AGMO: variants seen among roughly 807,000 people sequenced by gnomAD.
AGMO encodes the protein glyceryl-ether monooxygenase.
A neutral mutation model predicts 60.2 loss-of-function variants in AGMO; 75 were observed. The ratio of observed to expected loss-of-function variants is 1.25; its 90% confidence interval spans 1.03 to 1.51. The LOEUF is 1.51. AGMO is among the 40% of genes most tolerant of loss of function. The pLI, the probability that AGMO is intolerant of heterozygous loss-of-function variation, is 0.00. For missense variants in AGMO, 763 were observed against 525.5 expected (o/e 1.45, Z -4.42); for synonymous variants, 261 against 177.1 (o/e 1.47, Z -3.76).
intron 3 of AGMO, among the ~76,000 whole-genome samples, chr7:15,538,193 T>C (rs1377263484): frequency 6.6e-6 from 1 of 151,430 alleles, no homozygotes; most frequent in Non-Finnish European, 1.5e-5. Context: ...CAAGGTGGAG[T>C]TTACCCTAAG....
chr7:15,452,828 C>A (rs1374159132), intron 3 of AGMO, among the ~76,000 whole-genome samples: 1 of 152,038 alleles, frequency 6.6e-6, no homozygotes, highest in East Asian at 1.9e-4. Flanking sequence ...GGAAACAACC[C>A]AAATGTCCAT....
At chr7:15,426,799 T>G (rs986890848) in intron 4 of AGMO, among the ~76,000 whole-genome samples, 1 of 151,482 alleles carries the variant, frequency 6.6e-6, no homozygotes, top group African/African-American at 2.4e-5. Context: ...AAAGGGAAAA[T>G]AATTTTCCAG....
intron 2 of AGMO, among the ~76,000 whole-genome samples, chr7:15,547,621 C>T (rs949705762): frequency 2.6e-5 from 4 of 152,166 alleles, no homozygotes; most frequent in East Asian, 3.9e-4. Context: ...GCTTAAAAAA[C>T]GGCGCACCAC....
intron 12 of AGMO, among the ~76,000 whole-genome samples, chr7:15,204,294 G>T (rs908529038): frequency 6.6e-6 from 1 of 152,024 alleles, no homozygotes; most frequent in Non-Finnish European, 1.5e-5. Flanking sequence ...TTGTCCAACT[G>T]TTCTCTTGAT....
chr7:15,528,342 T>A (rs1192550361), intron 3 of AGMO, among the ~76,000 whole-genome samples: 1 of 151,994 alleles, frequency 6.6e-6, no homozygotes, highest in African/African-American at 2.4e-5. Flanking sequence ...TTGGTGTGAG[T>A]TTCTTGATTG....
intron 12 of AGMO, among the ~76,000 whole-genome samples, chr7:15,276,977 C>T (rs1783815573): frequency 6.8e-6 from 1 of 148,106 alleles, no homozygotes; most frequent in Non-Finnish European, 1.5e-5. Context: ...CCAATCTTCT[C>T]TTGAATCTCA....
At chr7:15,559,950 C>T (rs149893611) in intron 2 of AGMO, among the ~76,000 whole-genome samples, 191 bp downstream of exon 2, 24 of 151,956 alleles carry the variant, frequency 1.6e-4, no homozygotes, top group East Asian at 9.7e-4. Flanking sequence ...ATAATGTTTG[C>T]GGTGATTTTT....
intron 12 of AGMO, among the ~76,000 whole-genome samples, chr7:15,272,737 G>A (rs1783653923): frequency 2.0e-5 from 3 of 152,144 alleles, no homozygotes; most frequent in African/African-American, 7.2e-5. Flanking sequence ...CTAGTTTACA[G>A]TGCCACCAAC....
At chr7:15,309,839 C>T (rs1315157648) in intron 12 of AGMO, among the ~76,000 whole-genome samples, 2 of 152,028 alleles carry the variant, frequency 1.3e-5, no homozygotes, top group Non-Finnish European at 2.9e-5. Flanking sequence ...ACATTGTTCC[C>T]CATCTTTAAT....
intron 3 of AGMO, among the ~76,000 whole-genome samples, chr7:15,541,948 G>T (rs979347461): frequency 1.3e-5 from 2 of 152,094 alleles, no homozygotes; most frequent in South Asian, 2.1e-4. Flanking sequence ...AGTAGGATTT[G>T]ATTTTTTTCT....
chr7:15,280,398 G>A lies in AGMO; in HGVS notation c.1264-79039C>T, dbSNP rs115236119. Among the ~76,000 whole-genome samples the A allele has an allele frequency of 7.8e-3, 1,189 of 152,238 alleles. 26 individuals are homozygous for A. Among genetic ancestry groups the A allele is most frequent in the African/African-American group, 0.027 (1,103 of 41,524 alleles). On this transcript the variant is annotated intron_variant, in intron 12 of 12. Transcript: ENST00000342526. ...CATTCTGCCCTGGAACATGACCCCAGTGTCCAGAGAACTGCCCCCTCACAC... is the reference window on the plus strand; with the variant it reads ...CATTCTGCCCTGGAACATGACCCCAATGTCCAGAGAACTGCCCCCTCACAC...
intron 8 of AGMO, among the ~76,000 whole-genome samples, chr7:15,389,908 G>T (rs183243852): frequency 6.6e-6 from 1 of 152,092 alleles, no homozygotes; most frequent in Non-Finnish European, 1.5e-5. Flanking sequence ...AGTGAAACTC[G>T]AAGTAGTCTG....
At chr7:15,358,947 T>C (rs1451931589) in intron 12 of AGMO, among the ~76,000 whole-genome samples, 2 of 152,094 alleles carry the variant, frequency 1.3e-5, no homozygotes, top group Non-Finnish European at 2.9e-5. Context: ...AAGATAAATA[T>C]CCCCATATTA....
At chr7:15,385,324 G>A in intron 10 of AGMO, 122 bp downstream of exon 10, 2 of 630,546 alleles carry the variant, frequency 3.2e-6, no homozygotes, top group South Asian at 2.2e-5. Flanking sequence ...GTGAGACGTT[G>A]CCAAAATTAC....
At chr7:15,353,803 G>A (rs931499146) in intron 12 of AGMO, among the ~76,000 whole-genome samples, 3 of 152,088 alleles carry the variant, frequency 2.0e-5, no homozygotes, top group Admixed American at 6.5e-5. Flanking sequence ...GCCTGTGTTG[G>A]TACTTTAAAA....
At chr7:15,190,035 G>C in the AGMO span, among the ~76,000 whole-genome samples, 2 of 145,530 alleles carry the variant, frequency 1.4e-5, no homozygotes, top group Non-Finnish European at 3.1e-5. Flanking sequence ...AATTTCCTGA[G>C]GTGTTTGTGT....
At chr7:15,174,740 T>G in the AGMO span, among the ~76,000 whole-genome samples, 1 of 143,222 alleles carries the variant, frequency 7.0e-6, no homozygotes, top group Non-Finnish European at 1.6e-5. Flanking sequence ...CACACCTATT[T>G]TAAATAAATG....
Position 15,395,437 on chromosome 7 carries a change from C to A in AGMO, c.610-1258G>T, listed in dbSNP as rs1400139246. Among the ~76,000 whole-genome samples, 3 of 151,256 alleles carry A rather than the reference C, an allele frequency of 2.0e-5. 1 individual carries two copies. The highest frequency in any genetic ancestry group is 7.3e-5 in the African/African-American group (3 of 40,900). On this transcript the variant is annotated intron_variant, in intron 5 of 12. Coordinates refer to ENST00000342526, the MANE Select transcript of AGMO (RefSeq NM_001004320.2). The stretch of plus-strand genomic sequence containing the variant: ...CCTAACATAAAAGACATTTTATAGG[C>A]AAAAAACAAAAATTTATAATAAACA...
At chr7:15,154,680 T>C in the AGMO span, among the ~76,000 whole-genome samples, 3 of 152,230 alleles carry the variant, frequency 2.0e-5, no homozygotes, top group Non-Finnish European at 4.4e-5. Context: ...CTTGATTATA[T>C]AGTTGCTTTA....
Sources: allele counts gnomAD v4.1 joint callset (sites outside exome capture counted in the v4.1 genomes callset), GRCh38; gene constraint gnomAD v4.1.1; transcripts MANE v1.5; gene names NCBI Gene and HGNC (gene_info 2026-07-23, HGNC 2026-07-21).